Variants in EBF1 observed in about 807,000 individuals in gnomAD.
EBF1 encodes EBF transcription factor 1.
EBF1 carries 10 observed loss-of-function variants against 68.4 expected under a neutral mutation model. That is an observed-to-expected ratio of 0.15 (90% CI 0.09 to 0.25). The LOEUF is 0.25. EBF1 is among the 10% of genes least tolerant of loss of function. The pLI is 1.00. For synonymous variants in EBF1, 298 were observed against 299.8 expected, an observed-to-expected ratio of 0.99 and a Z score of 0.06; for missense variants, 509 against 794.4, an observed-to-expected ratio of 0.64 and a Z score of 4.32.
intron 11 of EBF1, among the ~76,000 whole-genome samples, chr5:158,724,319 C>T (rs1028602461): frequency 5.9e-5 from 9 of 152,014 alleles, no homozygotes; most frequent in East Asian, 1.9e-4. Context: ...AGTAAATACA[C>T]GAGAAAGAGA....
intron 12 of EBF1, among the ~76,000 whole-genome samples, 170 bp downstream of exon 12, chr5:158,713,947 T>C (rs187446179): frequency 1.5e-3 from 229 of 152,312 alleles, no homozygotes; most frequent in African/African-American, 5.1e-3. Context: ...CAATAAAAGG[T>C]TTACAAAAGA....
At chr5:159,004,460 G>A (rs1488278395) in intron 6 of EBF1, among the ~76,000 whole-genome samples, 1 of 152,058 alleles carries the variant, frequency 6.6e-6, no homozygotes, top group African/African-American at 2.4e-5. Context: ...TACAGGACCT[G>A]GGACCAGAAT....
intron 9 of EBF1, among the ~76,000 whole-genome samples, chr5:158,786,071 T>A (rs907511302): frequency 6.6e-6 from 1 of 152,118 alleles, no homozygotes; most frequent in Non-Finnish European, 1.5e-5. Flanking sequence ...AAGATAAAGA[T>A]TCACTAAAGT....
intron 6 of EBF1, among the ~76,000 whole-genome samples, chr5:158,968,899 C>T (rs945303985): frequency 4.6e-5 from 7 of 152,172 alleles, no homozygotes; most frequent in Non-Finnish European, 8.8e-5. Context: ...CCTAGCACCC[C>T]TCCCAGCCCA....
chr5:158,734,570 G>A (rs969541354), intron 10 of EBF1, among the ~76,000 whole-genome samples: 2 of 152,024 alleles, frequency 1.3e-5, no homozygotes, highest in Non-Finnish European at 2.9e-5. Flanking sequence ...ATACCTTAGG[G>A]ACATACATCT....
chr5:159,028,988 G>A (rs977243105), intron 6 of EBF1, among the ~76,000 whole-genome samples: 8 of 152,062 alleles, frequency 5.3e-5, no homozygotes, highest in African/African-American at 1.9e-4. Flanking sequence ...TCAATCATAC[G>A]TGTTTCACAA....
intron 6 of EBF1, among the ~76,000 whole-genome samples, chr5:158,937,348 C>A (rs1269375038): frequency 6.6e-6 from 1 of 151,852 alleles, no homozygotes. Context: ...CTTCAGTACC[C>A]CTGAAAGAAA....
chr5:159,075,505 C>G (rs1226509222), intron 5 of EBF1, among the ~76,000 whole-genome samples: 1 of 152,186 alleles, frequency 6.6e-6, no homozygotes, highest in Non-Finnish European at 1.5e-5. Context: ...GAAATGTCCT[C>G]CAGGAACTCC....
intron 6 of EBF1, among the ~76,000 whole-genome samples, chr5:158,898,687 G>A (rs1010467715): frequency 2.6e-5 from 4 of 152,302 alleles, no homozygotes; most frequent in Admixed American, 1.3e-4. Flanking sequence ...CACTCAGTGT[G>A]GCTGTCATCC....
intron 15 of EBF1, among the ~76,000 whole-genome samples, chr5:158,704,298 A>C (rs1432816588): frequency 6.6e-6 from 1 of 152,200 alleles, no homozygotes; most frequent in Admixed American, 6.5e-5. Flanking sequence ...TAGTAACCGG[A>C]GGAGACTAAG....
chr5:159,083,734 T>C (rs374740258), intron 5 of EBF1, among the ~76,000 whole-genome samples: 3 of 152,188 alleles, frequency 2.0e-5, no homozygotes, highest in African/African-American at 4.8e-5. Flanking sequence ...TGGTCAGTAA[T>C]AGTCAGCAGC....
intron 10 of EBF1, among the ~76,000 whole-genome samples, chr5:158,764,502 C>A (rs555698223): frequency 6.6e-6 from 1 of 152,298 alleles, no homozygotes; most frequent in South Asian, 2.1e-4. Flanking sequence ...TTTATTGCAT[C>A]TCACTCCGTG....
chr5:158,929,010 C>G (rs908986603), intron 6 of EBF1, among the ~76,000 whole-genome samples: 5 of 152,070 alleles, frequency 3.3e-5, no homozygotes, highest in African/African-American at 1.2e-4. Flanking sequence ...AAAATCAAGA[C>G]AGTTAGACAC....
At chr5:158,916,276 T>A (rs1260885408) in intron 6 of EBF1, among the ~76,000 whole-genome samples, 1 of 152,118 alleles carries the variant, frequency 6.6e-6, no homozygotes, top group African/African-American at 2.4e-5. Context: ...TAAGTAATGA[T>A]CTTTCAAGAT....
intron 7 of EBF1, among the ~76,000 whole-genome samples, chr5:158,835,773 G>C (rs752545190): frequency 7.2e-5 from 11 of 152,104 alleles, no homozygotes; most frequent in Non-Finnish European, 1.5e-4. Context: ...GTGACTTTGG[G>C]TAAATTGCTT....
chr5:158,773,833 C>T (rs1489902338), intron 10 of EBF1, among the ~76,000 whole-genome samples: 1 of 152,054 alleles, frequency 6.6e-6, no homozygotes, highest in Non-Finnish European at 1.5e-5. Flanking sequence ...AGATGTAACA[C>T]CTGCAAGAAA....
chr5:158,886,697 G>A (rs1038671277), intron 6 of EBF1, among the ~76,000 whole-genome samples: 1 of 152,194 alleles, frequency 6.6e-6, no homozygotes, highest in Non-Finnish European at 1.5e-5. Context: ...AAACACAGAT[G>A]GGATGATTAT....
At chr5:158,943,670 C>A (rs1240843287) in intron 6 of EBF1, among the ~76,000 whole-genome samples, 4 of 152,078 alleles carry the variant, frequency 2.6e-5, no homozygotes, top group Non-Finnish European at 4.4e-5. Flanking sequence ...GGCAGTGCCT[C>A]TTCTAAGCAG....
At position 158,898,869 on chromosome 5, in the gene EBF1, C is replaced by A. The variant is rs564779236; in HGVS notation, c.555-58759G>T. ...TGAGGTGGTGGTCCTACCAGCCCTG[C>A]AAAAAGAAATGTGGGAACGAAGCTT... On this transcript the variant is annotated intron_variant, in intron 6 of 15. Coordinates refer to ENST00000313708, the MANE Select transcript of EBF1 (RefSeq NM_024007.5). 2.1e-3 allele frequency among the ~76,000 whole-genome samples: 322 copies of A among 152,238 alleles called. 1 individual carries two copies. The highest frequency in any genetic ancestry group is 7.5e-3 in the African/African-American group (312 of 41,548).
Sources: gnomAD v4.1 joint callset for allele counts (sites outside exome capture counted in the v4.1 genomes callset) on GRCh38, gnomAD v4.1.1 for gene constraint, MANE v1.5 for transcripts, NCBI Gene and HGNC (gene_info 2026-07-23, HGNC 2026-07-21) for gene names.